Variants in PLEKHG3 observed in about 807,000 individuals in gnomAD.
PLEKHG3 encodes pleckstrin homology and RhoGEF domain containing G3.
In PLEKHG3, 62 loss-of-function variants were observed where a neutral mutation model predicts 94.9. That is an observed-to-expected ratio of 0.65 (90% CI 0.53 to 0.81). PLEKHG3 has a LOEUF of 0.81. Among genes scored for constraint, PLEKHG3 ranks in the 30% least tolerant of loss-of-function variants. The pLI is 0.00. For missense variants in PLEKHG3, 1,461 were observed against 1,619.3 expected (o/e 0.90, Z 1.68); for synonymous variants, 614 against 654.0 (o/e 0.94, Z 0.93).
rs1170760858 is a variant in PLEKHG3 at position 64,748,998 on chromosome 14, G to T, written c.*5295G>T. 3 of 304,302 alleles carry T rather than the reference G, an allele frequency of 9.9e-6. No individual in the cohort carries two copies. In the East Asian group the frequency reaches 2.6e-4, roughly 27 times the overall value. 18.9% of individuals were successfully genotyped at this position (304,302 alleles called of 1,614,324 possible). A position where few individuals can be genotyped will look rare whatever the true frequency, so the allele number is the denominator to read the frequency against. The stretch of plus-strand genomic sequence containing the variant: ...TGTGCCCCCTCGGCTCAGGAGGAGG[G>T]TGGGAGAGGAGGGCGTGTGCCTCAG... On this transcript the variant is annotated 3_prime_UTR_variant, in exon 17 of 17. Transcript: ENST00000247226.
chr14:64,737,790 C>T (rs974221003), intron 14 of PLEKHG3: 2 of 807,316 alleles, frequency 2.5e-6, no homozygotes, highest in Non-Finnish European at 3.3e-6. Flanking sequence ...GGCTCCCCCC[C>T]CGCAGCTGCC....
At position 64,713,987 on chromosome 14, in the gene PLEKHG3, A is replaced by G. The variant is rs140784298; in HGVS notation, c.-40+9283A>G. 9.2e-3 allele frequency among the ~76,000 whole-genome samples: 1,403 copies of G among 152,122 alleles called. 11 individuals are homozygous for G. The highest frequency in any genetic ancestry group is 0.016 in the Non-Finnish European group (1,060 of 67,984). The stretch of plus-strand genomic sequence containing the variant: ...CTAATTGGCCTGTTCCTTACCCCCT[A>G]TACTACCATCTTCTTTTATTAAGAT... On this transcript the variant is annotated intron_variant, in intron 1 of 16. Coordinates refer to ENST00000247226, the MANE Select transcript of PLEKHG3 (RefSeq NM_001308147.2).
intron 1 of PLEKHG3, among the ~76,000 whole-genome samples, chr14:64,705,457 G>T (rs2080956074): frequency 6.6e-6 from 1 of 152,194 alleles, no homozygotes; most frequent in African/African-American, 2.4e-5. Flanking sequence ...GTGGCTTTTG[G>T]GGAGGGTGTT....
chr14:64,749,077 G>C lies in PLEKHG3; in HGVS notation c.*5374G>C, dbSNP rs935772441. The C allele has an allele frequency of 1.2e-4, 56 of 465,906 alleles. No homozygotes were observed. The highest frequency in any genetic ancestry group is 9.2e-4 in the South Asian group (40 of 43,392). 28.9% of individuals were successfully genotyped at this position (465,906 alleles called of 1,614,324 possible). A position where few individuals can be genotyped will look rare whatever the true frequency, so the allele number is the denominator to read the frequency against. ...GGCCCCAAAGGCGCCAGAGGAGCTG[G>C]GAGCCCCTGTCCCTGGAGCGGAGCC... On this transcript the variant is annotated 3_prime_UTR_variant, in exon 17 of 17. Transcript: ENST00000247226. This position sits in a 1 kb window ranked among gnomAD's most constrained non-coding sequence, Gnocchi z 4.7.
Position 64,732,974 on chromosome 14 carries a change from G to A in PLEKHG3, c.1345+73G>A, listed in dbSNP as rs1323136343. The A allele has an allele frequency of 1.4e-5, 13 of 957,286 alleles. No individual in the cohort carries two copies. The highest frequency in any genetic ancestry group is 2.0e-5 in the Non-Finnish European group (12 of 608,686). 59.3% of individuals were successfully genotyped at this position (957,286 alleles called of 1,614,324 possible). ...CCCAGACTGGGGACCGTCTGCGGCA[G>A]TGTCCAGGGCTGTGGCTCTCACCTC... is the stretch of plus-strand genomic sequence containing the variant. On this transcript the variant is annotated intron_variant, in intron 12 of 16. Coordinates refer to ENST00000247226, the MANE Select transcript of PLEKHG3 (RefSeq NM_001308147.2). This position sits in a 1 kb window ranked among gnomAD's most constrained non-coding sequence, Gnocchi z 4.9.
At chr14:64,734,750 C>G (rs1321681933) in intron 12 of PLEKHG3, among the ~76,000 whole-genome samples, 1 of 142,612 alleles carries the variant, frequency 7.0e-6, no homozygotes, top group Non-Finnish European at 1.5e-5. Context: ...TCCTTCCTTC[C>G]TTGTCTGTCA....
Position 64,716,037 on chromosome 14 carries a change from G to C in PLEKHG3, c.-40+11333G>C, listed in dbSNP as rs1450573928. On this transcript the variant is annotated intron_variant, in intron 1 of 16. Coordinates refer to ENST00000247226, the MANE Select transcript of PLEKHG3 (RefSeq NM_001308147.2). This position sits in a 1 kb window ranked among gnomAD's most constrained non-coding sequence, Gnocchi z 5.0. Reference sequence around the variant, plus strand: ...TGCCGGTGCTGGGGACAATGCGGCTGCCCGGCCCCTCGCCACCCTCGTGGT... The same window carrying C: ...TGCCGGTGCTGGGGACAATGCGGCTCCCCGGCCCCTCGCCACCCTCGTGGT... 2.2e-6 allele frequency: 1 copy of C among 456,312 alleles called. No homozygotes were observed. The allele number at this position is 456,312 out of a possible 1,614,324, so 28.3% of individuals were successfully genotyped here. A position where few individuals can be genotyped will look rare whatever the true frequency, so the allele number is the denominator to read the frequency against.
chr14:64,737,435 GC>G, intron 14 of PLEKHG3, 60 bp downstream of exon 14: 17 of 1,199,012 alleles, frequency 1.4e-5, no homozygotes, highest in Admixed American at 2.5e-5. Context: ...GCCCAGGTCA[GC>G]CCCCGGCCCC....
chr14:64,724,079 T>G (rs866029322), intron 1 of PLEKHG3, among the ~76,000 whole-genome samples: 43 of 152,040 alleles, frequency 2.8e-4, no homozygotes, highest in African/African-American at 9.9e-4. Context: ...TCTTATAGTA[T>G]GGAGTGGTGC....
At chr14:64,705,292 C>T (rs991032153) in intron 1 of PLEKHG3, among the ~76,000 whole-genome samples, 1 of 152,236 alleles carries the variant, frequency 6.6e-6, no homozygotes, top group Non-Finnish European at 1.5e-5. Context: ...GTTCTTCGCA[C>T]CCCTACACCC....
chr14:64,705,703 G>T (rs939763112), intron 1 of PLEKHG3, among the ~76,000 whole-genome samples: 1 of 152,214 alleles, frequency 6.6e-6, no homozygotes, highest in Non-Finnish European at 1.5e-5. Context: ...AGTCCGGAGC[G>T]GGGGAGGGCC....
chr14:64,737,790 C>A lies in PLEKHG3; in HGVS notation c.1404+415C>A, dbSNP rs974221003. On this transcript the variant is annotated intron_variant, in intron 14 of 16. Transcript: ENST00000247226. ...GGCTTTCTGTGTGAAGGCTCCCCCCCCGCAGCTGCCTGCAGGAGGACGGGA... is the reference window on the plus strand; with the variant it reads ...GGCTTTCTGTGTGAAGGCTCCCCCCACGCAGCTGCCTGCAGGAGGACGGGA... 14 of 807,198 alleles carry A rather than the reference C, an allele frequency of 1.7e-5. No homozygotes were observed. The African/African-American group carries it at 1.8e-4, about 11-fold the overall frequency. The allele number at this position is 807,198 out of a possible 1,614,324, so 50.0% of individuals were successfully genotyped here. A position where few individuals can be genotyped will look rare whatever the true frequency, so the allele number is the denominator to read the frequency against.
chr14:64,712,198 A>G (rs148697434), intron 1 of PLEKHG3, among the ~76,000 whole-genome samples: 131 of 152,078 alleles, frequency 8.6e-4, no homozygotes, highest in African/African-American at 2.8e-3. Context: ...GTCTGCCCTT[A>G]CACCGGTACC....
Position 64,704,459 on chromosome 14 carries a change from C to A in PLEKHG3, c.-285C>A, listed in dbSNP as rs2080941583. ...TCCCTCGCTCCCTCCTGCCCTCCCG[C>A]TGCAGCTCCGGCTCCGCTCGACTTC... On this transcript the variant is annotated 5_prime_UTR_variant, in exon 1 of 17. In the 5' UTR this introduces an upstream ATG that the reference lacks. Transcript: ENST00000247226. This position sits in a 1 kb window ranked among gnomAD's most constrained non-coding sequence, Gnocchi z 5.6. 1 of 162,874 alleles carries A rather than the reference C, an allele frequency of 6.1e-6. No individual in the cohort carries two copies. The highest frequency in any genetic ancestry group is 2.0e-4 in the South Asian group (1 of 4,994). 10.1% of individuals were successfully genotyped at this position (162,874 alleles called of 1,614,324 possible).
intron 12 of PLEKHG3, among the ~76,000 whole-genome samples, chr14:64,736,061 T>C (rs897431084): frequency 3.9e-5 from 6 of 152,256 alleles, no homozygotes; most frequent in African/African-American, 1.4e-4. Context: ...AGACTTTCCT[T>C]CTGACTCCAG....
In PLEKHG3 at chr14:64,731,202, A is replaced by C; in HGVS notation, c.849+33A>C. On this transcript the variant is annotated intron_variant, in intron 7 of 16. Coordinates refer to ENST00000247226, the MANE Select transcript of PLEKHG3 (RefSeq NM_001308147.2). This position sits in a 1 kb window ranked among gnomAD's most constrained non-coding sequence, Gnocchi z 6.1. Reference sequence around the variant, plus strand: ...GGGGCTGGGACGCTGGGGGAGGGGCAGGGCTGGGTGGGCCAGGCTTCCGCT... The same window carrying C: ...GGGGCTGGGACGCTGGGGGAGGGGCCGGGCTGGGTGGGCCAGGCTTCCGCT... The C allele has an allele frequency of 2.5e-5, 17 of 678,732 alleles. No homozygotes were observed. The highest frequency in any genetic ancestry group is 4.0e-5 in the Non-Finnish European group (16 of 397,490). 42.0% of individuals were successfully genotyped at this position (678,732 alleles called of 1,614,324 possible).
In PLEKHG3 at chr14:64,732,887, G is replaced by A; in HGVS notation, c.1331G>A (p.Gly444Glu). 6.2e-7 allele frequency: 1 copy of A among 1,605,580 alleles called. No homozygotes were observed. The highest frequency in any genetic ancestry group is 1.1e-5 in the South Asian group (1 of 89,162). The change falls in exon 12 of 17, where the codon GGG becomes GAG. Residue 444 changes from glycine (G) to glutamate (E), a missense_variant. Physicochemically the swap from Gly to Glu is moderately conservative, Grantham distance 98. Around this residue, in one of 3 missense-constraint regions of PLEKHG3, gnomAD observed 1,201 missense variants for 1,295.5 expected, o/e 0.93. Transcript: ENST00000247226. This position sits in a 1 kb window ranked among gnomAD's most constrained non-coding sequence, Gnocchi z 4.9. ...GAGGTGTCCACCAATGTGCGCCAGGGGCGCCGGCAATCTGGTAAGAGAAGG... is the reference window on the plus strand; with the variant it reads ...GAGGTGTCCACCAATGTGCGCCAGGAGCGCCGGCAATCTGGTAAGAGAAGG... ...QDEVSTNVRQGRRQSEPTKHL... is the reference protein window; with the variant it reads ...QDEVSTNVRQERRQSEPTKHL...
In PLEKHG3 at chr14:64,727,215, T is replaced by G. The variant is rs1347927036; in HGVS notation, c.-39-378T>G. 2.6e-5 allele frequency among the ~76,000 whole-genome samples: 4 copies of G among 152,086 alleles called. No individual in the cohort carries two copies. The highest frequency in any genetic ancestry group is 2.6e-4 in the Admixed American group (4 of 15,274). On this transcript the variant is annotated intron_variant, in intron 1 of 16. Transcript: ENST00000247226. The surrounding 1 kb of genome is among the most constrained non-coding windows in gnomAD (Gnocchi z 6.0). ...CCCAGCAGTGGGGCTGGGCTGTGAA[T>G]TCCTTAGAGGGTACCTGGACCACTG...
rs1695769 is a variant in PLEKHG3 at position 64,748,447 on chromosome 14, G to A, written c.*4744G>A. ...GGAGAGCCTTAGGCAGTGTTGTGAC[G>A]CACCTGTCACTCCTTCAGATCAGAG... On this transcript the variant is annotated 3_prime_UTR_variant, in exon 17 of 17. Transcript: ENST00000247226. 0.14 allele frequency: 21,356 copies of A among 152,244 alleles called. 1,749 individuals carry two copies. Among genetic ancestry groups the A allele is most frequent in the African/African-American group, 0.22 (9,256 of 41,466 alleles). 9.4% of individuals were successfully genotyped at this position (152,244 alleles called of 1,614,324 possible). A position where few individuals can be genotyped will look rare whatever the true frequency, so the allele number is the denominator to read the frequency against.
Sources: allele counts gnomAD v4.1 joint callset (sites outside exome capture counted in the v4.1 genomes callset), GRCh38; gene constraint gnomAD v4.1.1; regional missense constraint gnomAD v4.1.1; non-coding constraint Gnocchi (gnomAD v3.1); transcripts MANE v1.5; gene names NCBI Gene and HGNC (gene_info 2026-07-23, HGNC 2026-07-21).